The following ATP8B1 variants were observed in gnomAD, a reference collection of about 807,000 sequenced individuals.
The protein encoded by ATP8B1 is ATPase phospholipid transporting 8B1.
Under a neutral mutation model 149.9 loss-of-function variants are expected in ATP8B1, and 80 were observed. That is an observed-to-expected ratio of 0.53 (90% CI 0.45 to 0.64). The LOEUF (loss-of-function observed/expected upper bound fraction) is 0.64, where lower values mean the gene tolerates loss of function less well. Ranked by LOEUF, ATP8B1 falls within the 30% of genes least tolerant of loss-of-function variation. ATP8B1 has a pLI of 0.00. For missense variants in ATP8B1, 1,247 were observed against 1,552.6 expected (o/e 0.80, Z 3.31); for synonymous variants, 536 against 562.8 (o/e 0.95, Z 0.67).
rs188021443 is a variant in ATP8B1 at position 57,696,753 on chromosome 18, T to C, written c.698+865A>G. On this transcript the variant is annotated intron_variant, in intron 8 of 27. Transcript: ENST00000648908. Reference sequence around the variant, plus strand: ...CCTTGGGCGGGCTGCTGCACCTCCCTGGGCCTCCGATTCCTCATGGGTAAT... The same window carrying C: ...CCTTGGGCGGGCTGCTGCACCTCCCCGGGCCTCCGATTCCTCATGGGTAAT... Among the ~76,000 whole-genome samples the C allele has an allele frequency of 7.9e-5, 12 of 152,318 alleles. No homozygotes were observed. The East Asian group carries it at 2.3e-3, about 29-fold the overall frequency.
At chr18:57,743,558 C>T (rs775459285) in intron 1 of ATP8B1, among the ~76,000 whole-genome samples, 1 of 151,998 alleles carries the variant, frequency 6.6e-6, no homozygotes, top group East Asian at 1.9e-4. Flanking sequence ...GCTGGGCAAC[C>T]TGGGAGTCAC....
chr18:57,766,264 C>T (rs1347363829), intron 1 of ATP8B1, among the ~76,000 whole-genome samples: 1 of 151,910 alleles, frequency 6.6e-6, no homozygotes, highest in South Asian at 2.1e-4. Context: ...AGGCTGGTCT[C>T]GAACTCCTGA....
rs749474873 is a variant in ATP8B1, at chr18:57,695,160, T to G, written c.940+11A>C. ...ATAGCTGATTAATTTCCCAAGAAAC[T>G]CTGAACGTACCTGCAAAAATGACTA... On this transcript the variant is annotated intron_variant, in intron 10 of 27. Transcript: ENST00000648908. 6.3e-7 allele frequency: 1 copy of G among 1,589,590 alleles called. No homozygotes were observed. The highest frequency in any genetic ancestry group is 8.6e-7 in the Non-Finnish European group (1 of 1,165,136).
intron 1 of ATP8B1, among the ~76,000 whole-genome samples, chr18:57,759,237 A>T (rs2080121995): frequency 6.6e-6 from 1 of 151,528 alleles, no homozygotes; most frequent in South Asian, 2.1e-4. Flanking sequence ...GTTTTCCAAG[A>T]CAGAAGTCCT....
At chr18:57,785,663 G>A (rs928455510) in intron 1 of ATP8B1, among the ~76,000 whole-genome samples, 13 of 152,032 alleles carry the variant, frequency 8.6e-5, no homozygotes, top group Non-Finnish European at 1.8e-4. Context: ...GTGCCACCAT[G>A]CCCAGCTAAT....
intron 13 of ATP8B1, among the ~76,000 whole-genome samples, chr18:57,686,423 C>T (rs1459563392): frequency 7.2e-5 from 11 of 151,942 alleles, no homozygotes; most frequent in African/African-American, 7.2e-5. Context: ...ACAGCCTCGA[C>T]GTACCCAGGC....
At position 57,671,477 on chromosome 18, in the gene ATP8B1, A is replaced by T. The variant is rs779385597; in HGVS notation, c.1923T>A (p.Asp641Glu). Residue 641 changes from aspartate to glutamate, a missense_variant, in exon 17 of 28, where the codon GAT (aspartate) becomes GAA (glutamate). This residue lies in a region of ATP8B1 where 853 missense variants were observed against 1,035.7 expected (regional missense o/e 0.82). Transcript: ENST00000648908. Reference protein sequence around the residue: ...RMNPTKQETQDALDIFANETL... With the variant: ...RMNPTKQETQEALDIFANETL... ...TAAAAGTGAAACTTACATCCAGGGC[A>T]TCCTGTGTTTCTTGCTTAGTAGGAT... 1.9e-6 allele frequency: 3 copies of T among 1,610,352 alleles called. No individual in the cohort carries two copies. In the East Asian group the frequency reaches 6.7e-5, roughly 36 times the overall value.
At chr18:57,661,540 G>A in intron 21 of ATP8B1, 78 bp from the exon 22 acceptor site, 1 of 1,468,134 alleles carries the variant, frequency 6.8e-7, no homozygotes. Flanking sequence ...TTTAAATTAT[G>A]TGAAGGATAA....
chr18:57,694,731 A>G (rs554918760), intron 10 of ATP8B1, 61 bp from the exon 11 acceptor site: 13 of 1,139,656 alleles, frequency 1.1e-5, no homozygotes, highest in Admixed American at 1.1e-4. Context: ...TAGCTCACCA[A>G]TAAAATTACT....
intron 11 of ATP8B1, among the ~76,000 whole-genome samples, chr18:57,692,501 T>C (rs748148800): frequency 2.7e-5 from 4 of 148,792 alleles, no homozygotes; most frequent in African/African-American, 7.5e-5. Flanking sequence ...AGTGGTGCCA[T>C]TGTGGCTCAC....
intron 1 of ATP8B1, chr18:57,735,422 A>G (rs921753423): frequency 1.3e-5 from 2 of 153,190 alleles, no homozygotes; most frequent in African/African-American, 4.8e-5. Flanking sequence ...CACGACTTCT[A>G]ATAGAGCTAT....
At chr18:57,713,655 T>A (rs1246406861) in intron 2 of ATP8B1, among the ~76,000 whole-genome samples, 1 of 151,328 alleles carries the variant, frequency 6.6e-6, no homozygotes, top group Non-Finnish European at 1.5e-5. Context: ...CATGCTTGGC[T>A]AATTTTGTAT....
chr18:57,664,066 GC>G (rs1910698782), intron 20 of ATP8B1, among the ~76,000 whole-genome samples: 1 of 58,448 alleles, frequency 1.7e-5, no homozygotes, highest in African/African-American at 7.0e-5. Flanking sequence ...CGCCTGGCCA[GC>G]CCTTTTTTTT....
chr18:57,671,776 C>T (rs1031011716), intron 16 of ATP8B1, among the ~76,000 whole-genome samples, 196 bp from the exon 17 acceptor site: 33 of 152,068 alleles, frequency 2.2e-4, no homozygotes, highest in Non-Finnish European at 4.4e-5. Context: ...GTGCATGCCA[C>T]CATGCCTGGC....
intron 2 of ATP8B1, among the ~76,000 whole-genome samples, chr18:57,729,985 A>T (rs905462263): frequency 2.0e-5 from 3 of 152,050 alleles, no homozygotes; most frequent in Non-Finnish European, 4.4e-5. Context: ...ATCCATCTAA[A>T]TGTTTGCTAT....
intron 2 of ATP8B1, among the ~76,000 whole-genome samples, chr18:57,721,642 A>C (rs1467407442): frequency 2.0e-5 from 3 of 147,384 alleles, no homozygotes; most frequent in Non-Finnish European, 4.5e-5. Context: ...CCACACATTA[A>C]TAATGGGAGA....
chr18:57,754,217 C>A (rs924391930), intron 1 of ATP8B1, among the ~76,000 whole-genome samples: 1 of 151,968 alleles, frequency 6.6e-6, no homozygotes, highest in Non-Finnish European at 1.5e-5. Context: ...GCAGGTGGAT[C>A]ATTTGAAGTC....
At chr18:57,680,297 AAAAAAG>A (rs1205824334) in intron 15 of ATP8B1, among the ~76,000 whole-genome samples, 1 of 145,812 alleles carries the variant, frequency 6.9e-6, no homozygotes, top group Admixed American at 7.1e-5. Context: ...AAAAAAAAAA[AAAAAAG>A]ACTGGGTGTG....
At chr18:57,709,792 A>G (rs1158757322) in intron 2 of ATP8B1, among the ~76,000 whole-genome samples, 52 of 151,008 alleles carry the variant, frequency 3.4e-4, no homozygotes, top group Non-Finnish European at 1.5e-5. Context: ...CAGTTCTCCT[A>G]TCTCAGCCTC....
Sources: allele counts gnomAD v4.1 joint callset (sites outside exome capture counted in the v4.1 genomes callset), GRCh38; gene constraint gnomAD v4.1.1; regional missense constraint gnomAD v4.1.1; transcripts MANE v1.5; gene names NCBI Gene and HGNC (gene_info 2026-07-23, HGNC 2026-07-21).